Variants in DLG2 observed in about 807,000 individuals in gnomAD.
DLG2 encodes the protein discs large MAGUK scaffold protein 2.
DLG2 carries 45 observed loss-of-function variants against 132.5 expected under a neutral mutation model. That is an observed-to-expected ratio of 0.34 (90% CI 0.27 to 0.44). The LOEUF (loss-of-function observed/expected upper bound fraction) is 0.44, where lower values mean the gene tolerates loss of function less well. Among genes scored for constraint, DLG2 ranks in the 20% least tolerant of loss-of-function variants. The probability of loss-of-function intolerance (pLI) is 1.00; values close to 1 mark genes in which losing one functional copy is unlikely to be tolerated. For synonymous variants in DLG2, 424 were observed against 419.6 expected (o/e 1.01, Z -0.13); for missense variants, 1,045 against 1,196.9 (o/e 0.87, Z 1.87).
At chr11:84,018,623 CAT>C (rs199768945) in intron 11 of DLG2, among the ~76,000 whole-genome samples, 9,608 of 151,918 alleles carry the variant, frequency 0.063, 320 homozygotes, top group Middle Eastern at 0.088. Flanking sequence ...AGGGATCACA[CAT>C]GAGTCTGATA....
At chr11:84,167,133 T>A (rs759201505) in intron 8 of DLG2, 7 of 407,654 alleles carry the variant, frequency 1.7e-5, no homozygotes, top group African/African-American at 2.1e-5. Flanking sequence ...ATTAAACTTT[T>A]CAGTGTTTGA....
chr11:83,561,299 C>T (rs929010385), intron 19 of DLG2, among the ~76,000 whole-genome samples: 1 of 152,160 alleles, frequency 6.6e-6, no homozygotes, highest in Non-Finnish European at 1.5e-5. Context: ...ATGAATACCC[C>T]TTTTTTGTTC....
intron 3 of DLG2, among the ~76,000 whole-genome samples, chr11:85,464,247 G>T (rs573194513): frequency 6.6e-6 from 1 of 152,258 alleles, no homozygotes; most frequent in Admixed American, 6.5e-5. Flanking sequence ...CCTGCCTGCT[G>T]CACAGACAAA....
chr11:84,113,495 C>T (rs2093469149), intron 9 of DLG2, among the ~76,000 whole-genome samples: 1 of 152,022 alleles, frequency 6.6e-6, no homozygotes, highest in Non-Finnish European at 1.5e-5. Flanking sequence ...AAATAATTGC[C>T]AATATTTGTG....
At chr11:85,275,101 C>T (rs2152743264) in intron 4 of DLG2, among the ~76,000 whole-genome samples, 1 of 152,192 alleles carries the variant, frequency 6.6e-6, no homozygotes, top group South Asian at 2.1e-4. Context: ...TGTTAATATG[C>T]TTTTTGTCAA....
chr11:85,421,684 G>A (rs2090325023), intron 3 of DLG2, among the ~76,000 whole-genome samples: 1 of 151,912 alleles, frequency 6.6e-6, no homozygotes, highest in Admixed American at 6.6e-5. Context: ...GAAATGTGAG[G>A]TACCATTCCA....
intron 3 of DLG2, among the ~76,000 whole-genome samples, chr11:85,446,818 T>C (rs1385440122): frequency 6.6e-6 from 1 of 151,920 alleles, no homozygotes; most frequent in East Asian, 1.9e-4. Flanking sequence ...TGTGTGTGTG[T>C]GTGTGTGTTT....
Position 83,922,656 on chromosome 11 carries a change from G to A in DLG2, c.1496+7672C>T, listed in dbSNP as rs149617123. On this transcript the variant is annotated intron_variant, in intron 15 of 27. Transcript: ENST00000376104. ...ATTTCCTTTCAGAATCTACAGATTCGTGGCAGAGTGGATGTGGGAAGTGGG... is the reference window on the plus strand; with the variant it reads ...ATTTCCTTTCAGAATCTACAGATTCATGGCAGAGTGGATGTGGGAAGTGGG... 1.2e-3 allele frequency among the ~76,000 whole-genome samples: 179 copies of A among 152,120 alleles called. 1 individual carries two copies. The highest frequency in any genetic ancestry group is 4.0e-3 in the African/African-American group (167 of 41,504).
intron 6 of DLG2, among the ~76,000 whole-genome samples, chr11:84,837,815 C>T (rs1048784737): frequency 6.6e-6 from 1 of 151,784 alleles, no homozygotes; most frequent in African/African-American, 2.4e-5. Flanking sequence ...CAGTGACACA[C>T]CACTCTTGCT....
intron 8 of DLG2, among the ~76,000 whole-genome samples, chr11:84,212,938 G>T (rs556559351): frequency 7.6e-4 from 115 of 152,188 alleles, no homozygotes; most frequent in Admixed American, 1.8e-3. Context: ...GATTACAGGC[G>T]TGAGCCGCGG....
intron 15 of DLG2, among the ~76,000 whole-genome samples, chr11:83,915,642 T>G (rs1012229147): frequency 1.3e-5 from 2 of 152,160 alleles, no homozygotes; most frequent in East Asian, 3.9e-4. Context: ...TATCTGAATA[T>G]TTGACATTAT....
chr11:85,212,502 C>CACATTAATATT (rs1391121205), intron 4 of DLG2, among the ~76,000 whole-genome samples: 2 of 152,082 alleles, frequency 1.3e-5, no homozygotes, highest in South Asian at 4.1e-4. Context: ...TGCTGACTTA[C>CACATTAATATT]AGGAAAACAA....
intron 6 of DLG2, among the ~76,000 whole-genome samples, chr11:84,617,141 C>A (rs567560633): frequency 3.3e-5 from 5 of 151,954 alleles, no homozygotes; most frequent in African/African-American, 1.2e-4. Context: ...CTTAGCCCCC[C>A]ACCCCTCAAC....
At chr11:85,396,797 T>C (rs1223761649) in intron 3 of DLG2, among the ~76,000 whole-genome samples, 2 of 152,080 alleles carry the variant, frequency 1.3e-5, no homozygotes, top group Admixed American at 6.6e-5. Flanking sequence ...CAAATATATG[T>C]TTGATTGGTG....
chr11:84,341,838 T>C (rs953029139), intron 7 of DLG2, among the ~76,000 whole-genome samples: 2 of 152,250 alleles, frequency 1.3e-5, no homozygotes, highest in Non-Finnish European at 2.9e-5. Flanking sequence ...AGTGACTGCC[T>C]TACTAACCTG....
At chr11:85,458,181 C>G (rs2092481334) in intron 3 of DLG2, among the ~76,000 whole-genome samples, 1 of 152,152 alleles carries the variant, frequency 6.6e-6, no homozygotes, top group African/African-American at 2.4e-5. Context: ...TTCAACAAGA[C>G]AGTCTCTAAG....
chr11:84,737,502 CAGAGAG>C (rs34535735), intron 6 of DLG2, among the ~76,000 whole-genome samples: 5 of 147,104 alleles, frequency 3.4e-5, no homozygotes, highest in East Asian at 2.0e-4. Context: ...AAGAAAGAGA[CAGAGAG>C]AGAGAGAGAG....
chr11:84,775,079 A>G (rs2070198537), intron 6 of DLG2, among the ~76,000 whole-genome samples: 1 of 152,132 alleles, frequency 6.6e-6, no homozygotes, highest in African/African-American at 2.4e-5. Context: ...ACTTAATTCA[A>G]CCAACGAAAA....
At position 84,861,181 on chromosome 11, in the gene DLG2, G is replaced by A. The variant is rs1346696285; in HGVS notation, c.357+250480C>T. ...GGGTCAGGGAACAATTTCCAGTGGTGGGAATATAAGCTGAGAGATAAAAGA... is the reference window on the plus strand; with the variant it reads ...GGGTCAGGGAACAATTTCCAGTGGTAGGAATATAAGCTGAGAGATAAAAGA... On this transcript the variant is annotated intron_variant, in intron 6 of 27. Coordinates refer to ENST00000376104, the MANE Select transcript of DLG2 (RefSeq NM_001142699.3). Among the ~76,000 whole-genome samples, 29 of 152,056 alleles carry A rather than the reference G, an allele frequency of 1.9e-4. 1 individual carries two copies. Among genetic ancestry groups the A allele is most frequent in the Admixed American group, 1.9e-3 (29 of 15,250 alleles).
Sources: gnomAD v4.1 joint callset for allele counts (sites outside exome capture counted in the v4.1 genomes callset) on GRCh38, gnomAD v4.1.1 for gene constraint, MANE v1.5 for transcripts, NCBI Gene and HGNC (gene_info 2026-07-23, HGNC 2026-07-21) for gene names.